Variants in PLCE1 observed in about 807,000 individuals in gnomAD.
PLCE1 encodes 1-phosphatidylinositol 4,5-bisphosphate phosphodiesterase epsilon-1.
A neutral mutation model predicts 242.8 loss-of-function variants in PLCE1; 119 were observed. The ratio of observed to expected loss-of-function variants is 0.49; its 90% CI spans 0.42 to 0.57. The LOEUF is 0.57. Ranked by LOEUF, PLCE1 falls within the 20% of genes least tolerant of loss-of-function variation. The pLI is 0.00. For missense variants in PLCE1, 2,441 were observed against 2,788.8 expected (o/e 0.88, Z 2.81); for synonymous variants, 945 against 1,017.4 (o/e 0.93, Z 1.35).
At chr10:94,327,311 A>G (rs946771076) in intron 32 of PLCE1, among the ~76,000 whole-genome samples, 7 of 151,214 alleles carry the variant, frequency 4.6e-5, no homozygotes, top group African/African-American at 1.7e-4. Context: ...TTTAGAGTTT[A>G]GGACCAGGCA....
intron 2 of PLCE1, among the ~76,000 whole-genome samples, chr10:94,050,063 G>A (rs921649628): frequency 6.6e-6 from 1 of 152,128 alleles, no homozygotes; most frequent in Admixed American, 6.5e-5. Context: ...AATAGTGCTA[G>A]TCTGTTTCCT....
At chr10:94,321,418 G>A in intron 29 of PLCE1, among the ~76,000 whole-genome samples, 1 of 152,202 alleles carries the variant, frequency 6.6e-6, no homozygotes, top group Non-Finnish European at 1.5e-5. Flanking sequence ...TGGATCACAA[G>A]GTCAGGAGTT....
chr10:94,211,514 A>G (rs78876279), intron 4 of PLCE1, among the ~76,000 whole-genome samples: 150 of 152,356 alleles, frequency 9.8e-4, no homozygotes, highest in Middle Eastern at 3.4e-3. Context: ...TCCAATTCAA[A>G]CATTCTACAG....
intron 22 of PLCE1, among the ~76,000 whole-genome samples, chr10:94,290,129 T>G (rs1181910622): frequency 6.6e-6 from 1 of 151,978 alleles, no homozygotes; most frequent in Non-Finnish European, 1.5e-5. Flanking sequence ...CAGGCTCAAG[T>G]GATCCTCCCA....
At chr10:94,303,140 A>G (rs2053093654) in intron 24 of PLCE1, among the ~76,000 whole-genome samples, 2 of 152,154 alleles carry the variant, frequency 1.3e-5, no homozygotes, top group Admixed American at 6.6e-5. Flanking sequence ...ATACTGGCCA[A>G]CCCCACAGAC....
At chr10:94,042,472 T>C (rs542095879) in intron 2 of PLCE1, among the ~76,000 whole-genome samples, 1 of 152,296 alleles carries the variant, frequency 6.6e-6, no homozygotes, top group South Asian at 2.1e-4. Flanking sequence ...ACCTCTAAAG[T>C]CCATACTCAT....
intron 3 of PLCE1, among the ~76,000 whole-genome samples, chr10:94,142,446 G>A (rs1485586219): frequency 6.6e-6 from 1 of 152,082 alleles, no homozygotes; most frequent in Non-Finnish European, 1.5e-5. Flanking sequence ...TGTAGCCCAG[G>A]AATTTGAAGC....
At chr10:94,106,663 G>A (rs1298972158) in intron 2 of PLCE1, among the ~76,000 whole-genome samples, 1 of 152,068 alleles carries the variant, frequency 6.6e-6, no homozygotes, top group Non-Finnish European at 1.5e-5. Flanking sequence ...CTTGCAGTTT[G>A]CCAATTTATC....
At chr10:94,074,999 C>T (rs1220181382) in intron 2 of PLCE1, among the ~76,000 whole-genome samples, 1 of 152,148 alleles carries the variant, frequency 6.6e-6, no homozygotes, top group Non-Finnish European at 1.5e-5. Flanking sequence ...ATTTCAAGTG[C>T]CTGGGGTTCT....
At chr10:94,012,988 G>A (rs917741275) in intron 1 of PLCE1, among the ~76,000 whole-genome samples, 1 of 152,128 alleles carries the variant, frequency 6.6e-6, no homozygotes, top group Non-Finnish European at 1.5e-5. Context: ...CAACTCCACT[G>A]TAACAATCTC....
chr10:94,246,172 C>T lies in PLCE1; in HGVS notation c.2647C>T (p.Gln883Ter). ...ACACCTCTCTGCCCGCTGCTTCCTC[C>T]AGCTTCAGCCCGACAATAGCACCTT... ...DTHLSARCFL[Q>*]LQPDNSTLTW... Residue 883 changes from glutamine to a stop codon, truncating the protein, a stop_gained, in exon 8 of 33, where the codon CAG becomes TAG. Transcript: ENST00000371380. LOFTEE classifies it high-confidence loss of function. The T allele has an allele frequency of 1.2e-6, 2 of 1,614,142 alleles. No homozygotes were observed. The highest frequency in any genetic ancestry group is 1.7e-6 in the Non-Finnish European group (2 of 1,180,002).
chr10:94,266,936 G>A (rs1407408406), intron 16 of PLCE1, among the ~76,000 whole-genome samples: 1 of 152,178 alleles, frequency 6.6e-6, no homozygotes, highest in Non-Finnish European at 1.5e-5. Flanking sequence ...GTTCTGTCAT[G>A]GGGCCTCAGC....
At chr10:94,176,090 T>C (rs547721327) in intron 4 of PLCE1, among the ~76,000 whole-genome samples, 1 of 152,256 alleles carries the variant, frequency 6.6e-6, no homozygotes, top group African/African-American at 2.4e-5. Context: ...GAAGTGGGGT[T>C]GCGAGATCAC....
At chr10:94,142,160 A>G (rs893892107) in intron 3 of PLCE1, among the ~76,000 whole-genome samples, 1 of 152,124 alleles carries the variant, frequency 6.6e-6, no homozygotes, top group African/African-American at 2.4e-5. Flanking sequence ...TAGTTTCTGC[A>G]TCTACAAAAT....
chr10:94,020,421 TA>T (rs1428992785), intron 1 of PLCE1, among the ~76,000 whole-genome samples: 1 of 152,182 alleles, frequency 6.6e-6, no homozygotes, highest in Non-Finnish European at 1.5e-5. Context: ...ATGTTTGTAT[TA>T]AAAATATTTT....
intron 2 of PLCE1, among the ~76,000 whole-genome samples, chr10:94,054,513 C>G (rs758167839): frequency 6.6e-6 from 1 of 152,136 alleles, no homozygotes; most frequent in Non-Finnish European, 1.5e-5. Context: ...GAGCTTGCTC[C>G]CTGAATCTGA....
At chr10:94,234,006 CTATAT>C in intron 5 of PLCE1, 43 bp from the exon 6 acceptor site, 1 of 1,526,378 alleles carries the variant, frequency 6.6e-7, no homozygotes, top group Non-Finnish European at 9.1e-7. Flanking sequence ...TTGCTGTAAA[CTATAT>C]TATTTCTCCT....
chr10:94,156,896 A>G (rs1207102007), intron 3 of PLCE1, among the ~76,000 whole-genome samples: 2 of 152,174 alleles, frequency 1.3e-5, no homozygotes, highest in African/African-American at 2.4e-5. Flanking sequence ...TAGGAGCCCT[A>G]TGTCAGGAAC....
At chr10:94,096,064 C>T (rs543284221) in intron 2 of PLCE1, among the ~76,000 whole-genome samples, 9 of 152,266 alleles carry the variant, frequency 5.9e-5, no homozygotes, top group African/African-American at 2.2e-4. Context: ...TTGCCCATTC[C>T]CAGATTGCTG....
Sources: allele counts gnomAD v4.1 joint callset (sites outside exome capture counted in the v4.1 genomes callset), GRCh38; gene constraint gnomAD v4.1.1; transcripts MANE v1.5; gene names NCBI Gene and HGNC (gene_info 2026-07-23, HGNC 2026-07-21).